The following APPL1 variants were observed in gnomAD, a reference collection of about 807,000 sequenced individuals.
APPL1 encodes the protein adaptor protein, phosphotyrosine interacting with PH domain and leucine zipper 1.
APPL1 carries 42 observed loss-of-function variants against 106.8 expected under a neutral mutation model. That is an observed-to-expected ratio of 0.39 (90% CI 0.31 to 0.51). The LOEUF is 0.51. Ranked by LOEUF, APPL1 falls within the 20% of genes least tolerant of loss-of-function variation. The pLI is 0.75. For missense variants in APPL1, 769 were observed against 858.2 expected, an observed-to-expected ratio of 0.90 and a Z score of 1.30; for synonymous variants, 263 against 281.8, an observed-to-expected ratio of 0.93 and a Z score of 0.67.
intron 3 of APPL1, 110 bp downstream of exon 3, chr3:57,237,661 GA>G: frequency 1.4e-6 from 1 of 690,068 alleles, no homozygotes. Flanking sequence ...ATATGCCATT[GA>G]AATTTCATGA....
At chr3:57,267,465 T>A (rs1240623128) in intron 19 of APPL1, among the ~76,000 whole-genome samples, 1 of 152,210 alleles carries the variant, frequency 6.6e-6, no homozygotes, top group Non-Finnish European at 1.5e-5. Flanking sequence ...AGCAGCTGCA[T>A]GCTTCTTCCT....
At chr3:57,254,705 G>A (rs1424218412) in intron 13 of APPL1, among the ~76,000 whole-genome samples, 47 of 152,278 alleles carry the variant, frequency 3.1e-4, no homozygotes, top group African/African-American at 1.0e-3. Flanking sequence ...GCCCACTGCA[G>A]CCTCTGCCTC....
At chr3:57,231,357 A>AG (rs1248069278) in intron 1 of APPL1, among the ~76,000 whole-genome samples, 3 of 150,402 alleles carry the variant, frequency 2.0e-5, no homozygotes, top group Admixed American at 2.0e-4. Flanking sequence ...AAAAAAAAAA[A>AG]AAGAAAATTT....
chr3:57,259,861 G>A lies in APPL1; in HGVS notation c.1500G>A (p.Gln500=), dbSNP rs1458503459. ...KSETEDSILH[Q]LFIVRFLGSM... ...CTATTATAGATTCTATTCTTCATCAGTTATTTATTGTCCGATTCCTTGGTT... is the reference window on the plus strand; with the variant it reads ...CTATTATAGATTCTATTCTTCATCAATTATTTATTGTCCGATTCCTTGGTT... The change falls in exon 17 of 22, where the codon CAG becomes CAA. Residue 500 remains glutamine, a synonymous_variant. Coordinates refer to ENST00000288266, the MANE Select transcript of APPL1 (RefSeq NM_012096.3). 1.9e-6 allele frequency: 3 copies of A among 1,600,974 alleles called. No individual in the cohort carries two copies. Among genetic ancestry groups the A allele is most frequent in the Non-Finnish European group, 2.6e-6 (3 of 1,175,936 alleles).
chr3:57,269,506 A>C (rs2060920141), intron 21 of APPL1, 35 bp from the exon 22 acceptor site: 2 of 1,608,938 alleles, frequency 1.2e-6, no homozygotes, highest in Non-Finnish European at 1.7e-6. Context: ...GACTGCAGAC[A>C]AGTAACTTAG....
intron 11 of APPL1, among the ~76,000 whole-genome samples, chr3:57,251,534 A>G (rs1287797484): frequency 1.3e-5 from 2 of 151,944 alleles, no homozygotes; most frequent in Non-Finnish European, 2.9e-5. Context: ...CAAAAAAAAA[A>G]AAAAAAAAAG....
At chr3:57,230,048 G>A (rs1460758214) in intron 1 of APPL1, among the ~76,000 whole-genome samples, 1 of 152,194 alleles carries the variant, frequency 6.6e-6, no homozygotes, top group Admixed American at 6.5e-5. Context: ...TAGACACATT[G>A]ATATCCCTTC....
At chr3:57,231,823 AAAAG>A (rs1265859443) in intron 1 of APPL1, among the ~76,000 whole-genome samples, 2 of 152,048 alleles carry the variant, frequency 1.3e-5, no homozygotes, top group African/African-American at 4.8e-5. Context: ...AAAAAAAAAA[AAAAG>A]AGCCTGGGAG....
At chr3:57,244,663 AC>A (rs892491517) in intron 7 of APPL1, among the ~76,000 whole-genome samples, 1 of 152,184 alleles carries the variant, frequency 6.6e-6, no homozygotes, top group African/African-American at 2.4e-5. Context: ...GTATATTAGT[AC>A]CAGATTACTA....
At chr3:57,242,770 A>G in intron 6 of APPL1, 86 bp from the exon 7 acceptor site, 2 of 978,588 alleles carry the variant, frequency 2.0e-6, no homozygotes, top group Non-Finnish European at 3.2e-6. Context: ...ACGTTTGTGG[A>G]AAGGTGCACA....
intron 13 of APPL1, among the ~76,000 whole-genome samples, chr3:57,254,436 G>A (rs2060824362): frequency 6.6e-6 from 1 of 152,140 alleles, no homozygotes; most frequent in Admixed American, 6.5e-5. Context: ...GATGACTAAA[G>A]GCTTAGGTTT....
intron 11 of APPL1, among the ~76,000 whole-genome samples, chr3:57,250,068 T>G (rs2060795344): frequency 6.6e-6 from 1 of 152,246 alleles, no homozygotes; most frequent in East Asian, 1.9e-4. Flanking sequence ...ACAATAGTGT[T>G]ATTTTAAAAT....
intron 7 of APPL1, among the ~76,000 whole-genome samples, chr3:57,244,399 G>C (rs892460134): frequency 2.0e-5 from 3 of 152,094 alleles, no homozygotes; most frequent in African/African-American, 7.2e-5. Flanking sequence ...CAGGTGATCT[G>C]CCTGCCTCGG....
At chr3:57,238,339 G>T in intron 4 of APPL1, 1 of 436,738 alleles carries the variant, frequency 2.3e-6, no homozygotes, top group South Asian at 4.4e-5. Context: ...TACGCAGTCC[G>T]TGCTAACATT....
At chr3:57,247,353 T>A in intron 8 of APPL1, 42 bp from the exon 9 acceptor site, 1 of 1,135,524 alleles carries the variant, frequency 8.8e-7, no homozygotes, top group Non-Finnish European at 1.3e-6. Context: ...TTGCTTAATC[T>A]ATTTTTGTAT....
chr3:57,268,489 TATA>T lies in APPL1; in HGVS notation c.1983+3_1983+5del, dbSNP rs765177083. On this transcript the variant is annotated splice_donor_5th_base_variant and intron_variant, in intron 21 of 21. Coordinates refer to ENST00000288266, the MANE Select transcript of APPL1 (RefSeq NM_012096.3). ...AATAAACAAAAACAGATTGAAAAGG[TATA>T]CAGTCCTAATGTCTGGATCTTTATG... 14 of 1,600,932 alleles carry T rather than the reference TATA, an allele frequency of 8.7e-6. No individual in the cohort carries two copies. In the Admixed American group the frequency reaches 2.3e-4, roughly 26 times the overall value.
Position 57,260,769 on chromosome 3 carries a change from GA to G in APPL1, c.1841del (p.Lys614ArgfsTer12), listed in dbSNP as rs1381555531. 7 of 1,606,734 alleles carry G rather than the reference GA, an allele frequency of 4.4e-6. No individual in the cohort carries two copies. Among genetic ancestry groups the G allele is most frequent in the South Asian group, 1.1e-5 (1 of 89,788 alleles). On this transcript the variant is annotated frameshift_variant, in exon 19 of 22. Transcript: ENST00000288266. LOFTEE classifies it high-confidence loss of function. ...CYIFESNNEG[E>X]KICDSVGLAK... The stretch of plus-strand genomic sequence containing the variant: ...TATATTTGAGTCAAACAATGAGGGG[GA>G]AAAGGTACATGGCTTTTCAGAATAT...
rs1158592992 is a variant in APPL1 at position 57,242,221 on chromosome 3, G to A, written c.415+79G>A. On this transcript the variant is annotated intron_variant, in intron 6 of 21. Coordinates refer to ENST00000288266, the MANE Select transcript of APPL1 (RefSeq NM_012096.3). Reference sequence around the variant, plus strand: ...GTGCATATCTGTGGCCAGATTCTTTGTAATAATTGAAAAAAAACCAATTAA... The same window carrying A: ...GTGCATATCTGTGGCCAGATTCTTTATAATAATTGAAAAAAAACCAATTAA... 46 of 1,102,106 alleles carry A rather than the reference G, an allele frequency of 4.2e-5. 1 individual carries two copies. Among genetic ancestry groups the A allele is most frequent in the Non-Finnish European group, 5.9e-5 (46 of 783,240 alleles). The allele number at this position is 1,102,106 out of a possible 1,614,324, so 68.3% of individuals were successfully genotyped here.
chr3:57,239,428 A>G (rs931954352), intron 4 of APPL1, among the ~76,000 whole-genome samples: 1 of 152,232 alleles, frequency 6.6e-6, no homozygotes, highest in Non-Finnish European at 1.5e-5. Context: ...TAATGTGTTC[A>G]AGGTTCATTC....
Sources: gnomAD v4.1 joint callset for allele counts (sites outside exome capture counted in the v4.1 genomes callset) on GRCh38, gnomAD v4.1.1 for gene constraint, MANE v1.5 for transcripts, NCBI Gene and HGNC (gene_info 2026-07-23, HGNC 2026-07-21) for gene names.